The following STX18 variants were observed in gnomAD, a reference collection of about 807,000 sequenced individuals.
STX18 encodes the protein syntaxin-18.
Under a neutral mutation model 50.1 loss-of-function variants are expected in STX18, and 40 were observed. The ratio of observed to expected loss-of-function variants is 0.80; its 90% CI spans 0.62 to 1.04. The LOEUF (loss-of-function observed/expected upper bound fraction) is 1.04. Among genes scored for constraint, STX18 ranks in the 50% least tolerant of loss-of-function variants. The pLI is 0.00. For missense variants in STX18, 410 were observed against 415.8 expected (o/e 0.99, Z 0.12); for synonymous variants, 158 against 151.8 (o/e 1.04, Z -0.30).
chr4:4,493,517 T>C (rs1174150011), intron 1 of STX18, among the ~76,000 whole-genome samples: 1 of 152,128 alleles, frequency 6.6e-6, no homozygotes, highest in Non-Finnish European at 1.5e-5. Flanking sequence ...TAAAAAAAAT[T>C]GTTTTTGTTT....
chr4:4,459,005 GCATACACA>G (rs768198731), intron 3 of STX18, among the ~76,000 whole-genome samples: 2 of 151,270 alleles, frequency 1.3e-5, no homozygotes, highest in Non-Finnish European at 2.9e-5. Flanking sequence ...GCACACATGT[GCATACACA>G]CATACACACC....
At chr4:4,472,067 TC>T (rs1727946779) in intron 1 of STX18, among the ~76,000 whole-genome samples, 1 of 152,246 alleles carries the variant, frequency 6.6e-6, no homozygotes, top group South Asian at 2.1e-4. Flanking sequence ...TATTCCTTCT[TC>T]CAAGTGTTCT....
chr4:4,524,480 C>T (rs923766592), intron 1 of STX18, among the ~76,000 whole-genome samples: 3 of 152,214 alleles, frequency 2.0e-5, no homozygotes, highest in African/African-American at 7.2e-5. Flanking sequence ...GAATATCACT[C>T]AATTTGAGCC....
chr4:4,526,009 C>A (rs1730733413), intron 1 of STX18, among the ~76,000 whole-genome samples: 1 of 152,102 alleles, frequency 6.6e-6, no homozygotes. Context: ...AACAGAGCAG[C>A]ATGGTGAAAA....
At position 4,419,942 on chromosome 4, in the gene STX18, G is replaced by T; in HGVS notation, c.*92C>A. 9.6e-7 allele frequency: 1 copy of T among 1,036,742 alleles called. No individual in the cohort carries two copies. The highest frequency in any genetic ancestry group is 1.4e-6 in the Non-Finnish European group (1 of 690,254). The allele number at this position is 1,036,742 out of a possible 1,614,324, so 64.2% of individuals were successfully genotyped here. A position where few individuals can be genotyped will look rare whatever the true frequency, so the allele number is the denominator to read the frequency against. ...TTCAAATGGCACTGTGATAAAATCT[G>T]GTCATACCATGCTCCAGCACTGGAA... is the stretch of plus-strand genomic sequence containing the variant. On this transcript the variant is annotated 3_prime_UTR_variant, in exon 11 of 11. Transcript: ENST00000306200.
At chr4:4,440,392 G>A (rs1726044695) in intron 5 of STX18, among the ~76,000 whole-genome samples, 1 of 152,220 alleles carries the variant, frequency 6.6e-6, no homozygotes, top group Non-Finnish European at 1.5e-5. Flanking sequence ...CTGAGGTGTA[G>A]AGAAGTTAGG....
At chr4:4,441,743 G>GA (rs1289694570) in intron 5 of STX18, among the ~76,000 whole-genome samples, 1 of 152,134 alleles carries the variant, frequency 6.6e-6, no homozygotes, top group Non-Finnish European at 1.5e-5. Context: ...CCTGAAGCCG[G>GA]AAAAATCAAC....
intron 2 of STX18, among the ~76,000 whole-genome samples, chr4:4,459,742 G>T (rs752829957): frequency 6.6e-6 from 1 of 152,210 alleles, no homozygotes; most frequent in African/African-American, 2.4e-5. Context: ...GAGGGAGAGG[G>T]AGAAGGAGCG....
intron 7 of STX18, among the ~76,000 whole-genome samples, chr4:4,430,640 T>G (rs1725471887): frequency 6.6e-6 from 1 of 152,190 alleles, no homozygotes; most frequent in Admixed American, 6.5e-5. Context: ...AACAGAAGCA[T>G]GCTGCATCAA....
intron 1 of STX18, among the ~76,000 whole-genome samples, chr4:4,529,161 A>G (rs1213229424): frequency 6.6e-6 from 1 of 152,142 alleles, no homozygotes; most frequent in Non-Finnish European, 1.5e-5. Flanking sequence ...CAGGAGATCG[A>G]GACTATCCTG....
chr4:4,465,143 G>C (rs573158714), intron 2 of STX18, among the ~76,000 whole-genome samples: 1 of 152,064 alleles, frequency 6.6e-6, no homozygotes, highest in African/African-American at 2.4e-5. Flanking sequence ...TTGTTCTGTT[G>C]GTGGGAGCAT....
chr4:4,535,338 T>G (rs544602456), intron 1 of STX18, among the ~76,000 whole-genome samples: 2 of 152,344 alleles, frequency 1.3e-5, no homozygotes, highest in Non-Finnish European at 2.9e-5. Flanking sequence ...TCCTAAGTCT[T>G]GGGCAAAATT....
At chr4:4,462,084 G>A (rs1415185079) in intron 2 of STX18, 1 of 432,398 alleles carries the variant, frequency 2.3e-6, no homozygotes, top group Non-Finnish European at 4.7e-6. Flanking sequence ...TTTGTTTGCT[G>A]ACCTAGATTT....
At chr4:4,522,274 TAA>T (rs1223856746) in intron 1 of STX18, among the ~76,000 whole-genome samples, 1 of 152,216 alleles carries the variant, frequency 6.6e-6, no homozygotes, top group African/African-American at 2.4e-5. Flanking sequence ...CAATGAGTGT[TAA>T]GAGACTTAGC....
chr4:4,455,551 C>T (rs954274881), intron 5 of STX18, among the ~76,000 whole-genome samples: 1 of 152,204 alleles, frequency 6.6e-6, no homozygotes, highest in Non-Finnish European at 1.5e-5. Context: ...TTCATGCCAT[C>T]CTAATTGATA....
At chr4:4,427,966 C>T (rs985837995) in intron 7 of STX18, among the ~76,000 whole-genome samples, 13 of 152,304 alleles carry the variant, frequency 8.5e-5, no homozygotes, top group African/African-American at 2.6e-4. Flanking sequence ...AATGGAGAGC[C>T]GCCTCTGTGT....
chr4:4,469,224 C>T (rs1727786482), intron 2 of STX18, among the ~76,000 whole-genome samples: 1 of 152,152 alleles, frequency 6.6e-6, no homozygotes, highest in East Asian at 1.9e-4. Flanking sequence ...CCAAGTCTAG[C>T]CTGCAGGCAT....
intron 1 of STX18, among the ~76,000 whole-genome samples, chr4:4,537,041 C>T (rs373572023): frequency 1.9e-4 from 29 of 152,332 alleles, no homozygotes; most frequent in African/African-American, 5.3e-4. Flanking sequence ...CTTTCCTGTG[C>T]GGTGCTCTTC....
chr4:4,454,106 G>A (rs1220280874), intron 5 of STX18, among the ~76,000 whole-genome samples: 1 of 152,244 alleles, frequency 6.6e-6, no homozygotes, highest in African/African-American at 2.4e-5. Flanking sequence ...TGTTGTCCAG[G>A]CACATGCCAT....
Sources: allele counts gnomAD v4.1 joint callset (sites outside exome capture counted in the v4.1 genomes callset), GRCh38; gene constraint gnomAD v4.1.1; transcripts MANE v1.5; gene names NCBI Gene and HGNC (gene_info 2026-07-23, HGNC 2026-07-21).